Variants in PTK2 observed in about 807,000 individuals in gnomAD.
PTK2 encodes the protein focal adhesion kinase 1.
A neutral mutation model predicts 150.1 loss-of-function variants in PTK2; 45 were observed. That is an observed-to-expected ratio of 0.30 (90% CI 0.24 to 0.38). The LOEUF is 0.38. PTK2 is among the 10% of genes least tolerant of loss of function. The pLI, the probability that PTK2 is intolerant of heterozygous loss-of-function variation, is 1.00. For missense variants in PTK2, 919 were observed against 1,307.3 expected (o/e 0.70, Z 4.58); for synonymous variants, 432 against 449.2 (o/e 0.96, Z 0.48).
At chr8:140,794,332 G>A (rs187694967) in intron 12 of PTK2, among the ~76,000 whole-genome samples, 152 of 152,200 alleles carry the variant, frequency 1.0e-3, no homozygotes, top group African/African-American at 3.4e-3. Context: ...TCTTTGTATC[G>A]TGTCTGTGGG....
At chr8:140,946,355 C>T (rs1484211118) in intron 1 of PTK2, among the ~76,000 whole-genome samples, 1 of 152,000 alleles carries the variant, frequency 6.6e-6, no homozygotes, top group African/African-American at 2.4e-5. Flanking sequence ...AAATACGGAT[C>T]TAAACAAAAA....
At chr8:140,979,724 C>T (rs762437350) in intron 1 of PTK2, among the ~76,000 whole-genome samples, 8 of 152,098 alleles carry the variant, frequency 5.3e-5, no homozygotes, top group Admixed American at 6.5e-5. Flanking sequence ...GGCTCTTTCC[C>T]GTGATGTTCT....
chr8:140,937,657 G>A (rs2100174152), intron 1 of PTK2, among the ~76,000 whole-genome samples: 1 of 150,780 alleles, frequency 6.6e-6, no homozygotes, highest in African/African-American at 2.4e-5. Flanking sequence ...CAAAAATAAT[G>A]GCATTACTAC....
intron 2 of PTK2, among the ~76,000 whole-genome samples, chr8:140,922,527 C>T (rs2100167897): frequency 6.6e-6 from 1 of 152,136 alleles, no homozygotes; most frequent in South Asian, 2.1e-4. Flanking sequence ...ATATCTGACA[C>T]ACTCCTGTGA....
At chr8:140,905,835 A>G (rs1260008818) in intron 2 of PTK2, among the ~76,000 whole-genome samples, 1 of 152,206 alleles carries the variant, frequency 6.6e-6, no homozygotes, top group Non-Finnish European at 1.5e-5. Context: ...ACCACAGTGC[A>G]ATCAAATTGG....
intron 1 of PTK2, among the ~76,000 whole-genome samples, chr8:140,958,363 T>C (rs1331783807): frequency 6.6e-6 from 1 of 152,144 alleles, no homozygotes; most frequent in Non-Finnish European, 1.5e-5. Flanking sequence ...CAGGCTGGTC[T>C]TGAACTCCTA....
At chr8:141,000,897 C>T (rs1345376289) in intron 1 of PTK2, 2 of 151,406 alleles carry the variant, frequency 1.3e-5, no homozygotes, top group African/African-American at 2.4e-5. Flanking sequence ...AGCCTCTCGG[C>T]CTCCGCGAGG....
At chr8:140,944,756 G>A (rs2100177105) in intron 1 of PTK2, among the ~76,000 whole-genome samples, 1 of 152,106 alleles carries the variant, frequency 6.6e-6, no homozygotes. Context: ...TGAACATAAC[G>A]GCCTGACCAT....
chr8:140,692,356 C>T (rs1461220117), intron 26 of PTK2, among the ~76,000 whole-genome samples: 3 of 152,186 alleles, frequency 2.0e-5, no homozygotes, highest in African/African-American at 7.2e-5. Flanking sequence ...GTGGCTAACA[C>T]CTGTAATCCC....
intron 4 of PTK2, among the ~76,000 whole-genome samples, chr8:140,869,416 A>G (rs1463206143): frequency 1.3e-5 from 2 of 152,178 alleles, no homozygotes; most frequent in African/African-American, 2.4e-5. Flanking sequence ...TCTCAACTTC[A>G]TACTTCCAAA....
At position 140,855,463 on chromosome 8, in the gene PTK2, C is replaced by T. The variant is rs192089416; in HGVS notation, c.451-8785G>A. Reference sequence around the variant, plus strand: ...ACAAAAAATTAGCCAGGTATGGTGGCGGGCGACTGTAGTCCCAGCTACTCA... The same window carrying T: ...ACAAAAAATTAGCCAGGTATGGTGGTGGGCGACTGTAGTCCCAGCTACTCA... On this transcript the variant is annotated intron_variant, in intron 5 of 31. Coordinates refer to ENST00000522684, the Ensembl canonical transcript of PTK2. 5.8e-3 allele frequency among the ~76,000 whole-genome samples: 878 copies of T among 152,054 alleles called. 5 individuals are homozygous for T. The highest frequency in any genetic ancestry group is 0.02 in the African/African-American group (834 of 41,478).
intron 3 of PTK2, among the ~76,000 whole-genome samples, chr8:140,889,086 A>T (rs2100153345): frequency 6.6e-6 from 1 of 152,162 alleles, no homozygotes. Context: ...AAAAAAGCTA[A>T]CCAGCTTCAT....
intron 26 of PTK2, among the ~76,000 whole-genome samples, chr8:140,698,117 C>T (rs778432837): frequency 3.3e-5 from 5 of 152,148 alleles, no homozygotes; most frequent in Admixed American, 6.6e-5. Context: ...TATCTATACT[C>T]TGCTGCCTCC....
chr8:140,937,044 G>C (rs1201507832), intron 1 of PTK2, among the ~76,000 whole-genome samples: 1 of 152,016 alleles, frequency 6.6e-6, no homozygotes, highest in African/African-American at 2.4e-5. Context: ...CAGATGTAAA[G>C]ATAATTAACA....
At chr8:140,935,409 G>A (rs1392978510) in intron 1 of PTK2, among the ~76,000 whole-genome samples, 1 of 152,174 alleles carries the variant, frequency 6.6e-6, no homozygotes. Context: ...GATTCTTAGA[G>A]AGCATAAATA....
At chr8:140,670,857 T>G (rs1021312113) in intron 29 of PTK2, among the ~76,000 whole-genome samples, 1 of 152,212 alleles carries the variant, frequency 6.6e-6, no homozygotes, top group African/African-American at 2.4e-5. Flanking sequence ...TAGACAATTC[T>G]GTAATTCTAG....
chr8:140,922,840 T>C (rs1405804510), intron 2 of PTK2, among the ~76,000 whole-genome samples: 2 of 152,152 alleles, frequency 1.3e-5, no homozygotes, highest in East Asian at 3.8e-4. Flanking sequence ...TGCCAGGGTC[T>C]TCACACCACA....
At chr8:140,808,496 C>T (rs1281965901) in intron 10 of PTK2, among the ~76,000 whole-genome samples, 1 of 152,092 alleles carries the variant, frequency 6.6e-6, no homozygotes, top group Non-Finnish European at 1.5e-5. Context: ...CATATATTTT[C>T]AAGGAACATT....
intron 29 of PTK2, among the ~76,000 whole-genome samples, chr8:140,671,215 T>C (rs1256339338): frequency 4.6e-5 from 7 of 152,228 alleles, no homozygotes; most frequent in Admixed American, 4.6e-4. Flanking sequence ...TACATAAAAG[T>C]AAATATTTTA....
Sources: allele counts gnomAD v4.1 joint callset (sites outside exome capture counted in the v4.1 genomes callset), GRCh38; gene constraint gnomAD v4.1.1; transcripts MANE v1.5; gene names NCBI Gene and HGNC (gene_info 2026-07-23, HGNC 2026-07-21).